The following CREB5 variants were observed in gnomAD, a reference collection of about 807,000 sequenced individuals.
CREB5 encodes cAMP responsive element binding protein 5, also known as cyclic AMP-responsive element-binding protein 5.
Under a neutral mutation model 57.1 loss-of-function variants are expected in CREB5, and 19 were observed. That is an observed-to-expected ratio of 0.33 (90% CI 0.23 to 0.49). The LOEUF (loss-of-function observed/expected upper bound fraction) is 0.49, where lower values mean the gene tolerates loss of function less well. Among genes scored for constraint, CREB5 ranks in the 20% least tolerant of loss-of-function variants. The probability of loss-of-function intolerance (pLI) is 0.99; values close to 1 mark genes in which losing one functional copy is unlikely to be tolerated. For missense variants in CREB5, 579 were observed against 671.6 expected, an observed-to-expected ratio of 0.86 and a Z score of 1.52; for synonymous variants, 238 against 238.3, an observed-to-expected ratio of 1.00 and a Z score of 0.01.
At chr7:28,733,702 C>T (rs953520495) in intron 7 of CREB5, among the ~76,000 whole-genome samples, 4 of 152,170 alleles carry the variant, frequency 2.6e-5, no homozygotes, top group Admixed American at 2.0e-4. Context: ...CGCCAGCCTG[C>T]AAGCTCCATG....
intron 7 of CREB5, among the ~76,000 whole-genome samples, chr7:28,756,060 G>C (rs1411045611): frequency 1.3e-5 from 2 of 152,112 alleles, no homozygotes; most frequent in Non-Finnish European, 2.9e-5. Context: ...AGGTTCAGAA[G>C]CCCAGAATTT....
At chr7:28,330,401 C>CTTTTTTTTTTTTTTT (rs10699932) in intron 1 of CREB5, among the ~76,000 whole-genome samples, 37 of 88,522 alleles carry the variant, frequency 4.2e-4, no homozygotes, top group Non-Finnish European at 5.1e-4. Flanking sequence ...GAGAACCTTA[C>CTTTTTTTTTTTTTTT]TTTTTTTTTT....
intron 5 of CREB5, among the ~76,000 whole-genome samples, chr7:28,583,038 C>T (rs930401449): frequency 6.6e-6 from 1 of 152,254 alleles, no homozygotes; most frequent in South Asian, 2.1e-4. Context: ...AGAGCCTGCC[C>T]AGGGGCTGCC....
At position 28,756,819 on chromosome 7, in the gene CREB5, A is replaced by C. The variant is rs558608007; in HGVS notation, c.702+32487A>C. 1.9e-4 allele frequency among the ~76,000 whole-genome samples: 29 copies of C among 152,306 alleles called. No individual in the cohort carries two copies. In the South Asian group the frequency reaches 3.5e-3, roughly 19 times the overall value. On this transcript the variant is annotated intron_variant, in intron 7 of 10. Transcript: ENST00000357727. ...ACTAATGTTCAGAGACACTTATTGG[A>C]AATTGACAACAGCAGGTTTTGAGAG...
chr7:28,315,660 G>A (rs763656525), intron 1 of CREB5, among the ~76,000 whole-genome samples: 2 of 152,148 alleles, frequency 1.3e-5, no homozygotes, highest in South Asian at 2.1e-4. Flanking sequence ...GTTTGACCTC[G>A]TCCCGACGCG....
intron 1 of CREB5, among the ~76,000 whole-genome samples, chr7:28,366,683 C>T (rs1432652959): frequency 6.6e-6 from 1 of 152,172 alleles, no homozygotes; most frequent in African/African-American, 2.4e-5. Flanking sequence ...CAGTTAAGTT[C>T]TCCTCCAATT....
intron 1 of CREB5, among the ~76,000 whole-genome samples, chr7:28,372,055 A>G (rs1786717063): frequency 6.6e-6 from 1 of 152,088 alleles, no homozygotes; most frequent in South Asian, 2.1e-4. Context: ...CAAAGTCGAA[A>G]ATAAAGATGC....
At chr7:28,628,093 A>G (rs1013443951) in intron 5 of CREB5, among the ~76,000 whole-genome samples, 1 of 152,020 alleles carries the variant, frequency 6.6e-6, no homozygotes, top group Non-Finnish European at 1.5e-5. Context: ...CTCTTATTCT[A>G]ACAGGCAGCC....
rs1367507192 is a variant in CREB5 at position 28,401,166 on chromosome 7, CATTAAG to C, written c.-24-93737_-24-93732del. Among the ~76,000 whole-genome samples the C allele has an allele frequency of 2.0e-5, 3 of 152,198 alleles. No individual in the cohort carries two copies. The East Asian group carries it at 5.8e-4, about 29-fold the overall frequency. ...AGTCGCTTTCAAAGAAAGAAAAACA[CATTAAG>C]ATAAGAGCAACTTTTATAGGGATGT... On this transcript the variant is annotated intron_variant, in intron 1 of 9. Transcript: ENST00000396299.
At chr7:28,456,211 T>G (rs1035479236) in intron 1 of CREB5, among the ~76,000 whole-genome samples, 5 of 149,770 alleles carry the variant, frequency 3.3e-5, no homozygotes, top group African/African-American at 9.9e-5. Context: ...CTCTGAAGCA[T>G]GTACTAAAGA....
At chr7:28,550,374 G>C (rs879521842) in intron 4 of CREB5, among the ~76,000 whole-genome samples, 6 of 152,218 alleles carry the variant, frequency 3.9e-5, no homozygotes, top group Non-Finnish European at 7.3e-5. Flanking sequence ...CTAGATGCAG[G>C]ATACCCTTCT....
intron 1 of CREB5, among the ~76,000 whole-genome samples, chr7:28,471,806 G>A (rs966962218): frequency 1.3e-5 from 2 of 151,708 alleles, no homozygotes; most frequent in Non-Finnish European, 2.9e-5. Context: ...ATCTTGAACA[G>A]AGCCAATCAA....
intron 1 of CREB5, among the ~76,000 whole-genome samples, chr7:28,475,904 CT>C (rs1267248804): frequency 1.3e-5 from 2 of 152,204 alleles, no homozygotes; most frequent in African/African-American, 4.8e-5. Flanking sequence ...TGAGGAGTCC[CT>C]CTTCCCTGGC....
At chr7:28,531,041 A>G (rs1419654767) in intron 4 of CREB5, among the ~76,000 whole-genome samples, 2 of 152,014 alleles carry the variant, frequency 1.3e-5, no homozygotes, top group East Asian at 3.9e-4. Flanking sequence ...TGAAGGTCAA[A>G]TGTTGTTTTT....
chr7:28,605,790 G>C (rs1286775021), intron 5 of CREB5, among the ~76,000 whole-genome samples: 2 of 151,838 alleles, frequency 1.3e-5, no homozygotes, highest in African/African-American at 4.8e-5. Flanking sequence ...AGAGTGCTTC[G>C]GTCCTTGATT....
intron 7 of CREB5, among the ~76,000 whole-genome samples, chr7:28,800,132 G>A (rs1023638618): frequency 1.3e-5 from 2 of 152,052 alleles, no homozygotes; most frequent in East Asian, 1.9e-4. Context: ...AAATTATATC[G>A]CTACAAACTA....
At chr7:28,447,731 G>A (rs1050209142) in intron 1 of CREB5, among the ~76,000 whole-genome samples, 1 of 152,104 alleles carries the variant, frequency 6.6e-6, no homozygotes, top group Non-Finnish European at 1.5e-5. Context: ...TTTATTTTAC[G>A]TGGCATTTCC....
At chr7:28,517,340 A>G (rs1793009701) in intron 4 of CREB5, among the ~76,000 whole-genome samples, 1 of 152,202 alleles carries the variant, frequency 6.6e-6, no homozygotes, top group African/African-American at 2.4e-5. Context: ...CTGCTCCAGC[A>G]TTTGTGTGTT....
chr7:28,451,450 C>CTG (rs6150047), intron 1 of CREB5, among the ~76,000 whole-genome samples: 1,521 of 146,974 alleles, frequency 0.01, 9 homozygotes, highest in Middle Eastern at 0.017. Context: ...CTTTGCCAAA[C>CTG]TGTGTGTGTG....
Sources: gnomAD v4.1 joint callset for allele counts (sites outside exome capture counted in the v4.1 genomes callset) on GRCh38, gnomAD v4.1.1 for gene constraint, MANE v1.5 for transcripts, NCBI Gene and HGNC (gene_info 2026-07-23, HGNC 2026-07-21) for gene names.